The following TRIM36 variants were observed in gnomAD, a reference collection of about 807,000 sequenced individuals.
TRIM36 encodes tripartite motif containing 36.
A neutral mutation model predicts 72.4 loss-of-function variants in TRIM36; 42 were observed. The ratio of observed to expected loss-of-function variants is 0.58; its 90% CI spans 0.45 to 0.75. The LOEUF (loss-of-function observed/expected upper bound fraction) is 0.75. TRIM36 is among the 30% of genes least tolerant of loss of function. TRIM36 has a pLI of 0.00. For missense variants in TRIM36, 913 were observed against 857.1 expected (o/e 1.07, Z -0.81); for synonymous variants, 315 against 282.8 (o/e 1.11, Z -1.14).
intron 2 of TRIM36, among the ~76,000 whole-genome samples, chr5:115,163,175 T>G (rs1355552283): frequency 6.6e-6 from 1 of 152,164 alleles, no homozygotes; most frequent in Admixed American, 6.5e-5. Flanking sequence ...CAGGCTGGTC[T>G]TGAACTCATG....
intron 2 of TRIM36, chr5:115,148,412 GTTCTT>G: frequency 4.7e-6 from 3 of 633,870 alleles, no homozygotes; most frequent in South Asian, 1.6e-4. Context: ...TTGTAAATCT[GTTCTT>G]TTTTTTTTTT....
At chr5:115,168,050 T>C (rs1039357453) in intron 1 of TRIM36, among the ~76,000 whole-genome samples, 1 of 152,112 alleles carries the variant, frequency 6.6e-6, no homozygotes, top group African/African-American at 2.4e-5. Flanking sequence ...GAATTCACTA[T>C]CACGAAAACA....
At chr5:115,135,479 T>TAA (rs11409468) in intron 7 of TRIM36, among the ~76,000 whole-genome samples, 42 of 143,346 alleles carry the variant, frequency 2.9e-4, no homozygotes, top group South Asian at 6.7e-4. Context: ...CATAGCTTAC[T>TAA]AAAAAAAAAA....
At chr5:115,179,203 G>T (rs1164604589) in intron 1 of TRIM36, among the ~76,000 whole-genome samples, 3 of 152,162 alleles carry the variant, frequency 2.0e-5, no homozygotes, top group African/African-American at 7.2e-5. Flanking sequence ...AGCTTCTGCC[G>T]GCAATTTCTC....
chr5:115,137,390 A>G lies in TRIM36; in HGVS notation c.1058T>C (p.Val353Ala), dbSNP rs374359652. 1.2e-6 allele frequency: 2 copies of G among 1,612,280 alleles called. No homozygotes were observed. The highest frequency in any genetic ancestry group is 1.7e-6 in the Non-Finnish European group (2 of 1,179,580). Residue 353 changes from valine to alanine, a missense_variant, in exon 6 of 10, where the codon GTG (valine) becomes GCG (alanine). By Grantham distance (64) the Val-to-Ala change is moderately conservative. Coordinates refer to ENST00000513154, the MANE Select transcript of TRIM36 (RefSeq NM_001300759.2). Reference sequence around the variant, plus strand: ...GAGGTGGAGCTGCTTTGCTGTCTGCACAAAGCAAGACTGATCTGTCTCCTT... The same window carrying G: ...GAGGTGGAGCTGCTTTGCTGTCTGCGCAAAGCAAGACTGATCTGTCTCCTT... The part of the protein sequence containing the change: ...VLKETDQSCF[V>A]QTAKQLHLRI...
chr5:115,148,591 A>G (rs1057052239), intron 2 of TRIM36, among the ~76,000 whole-genome samples: 4 of 151,730 alleles, frequency 2.6e-5, no homozygotes, highest in African/African-American at 7.3e-5. Context: ...TTATATTTTT[A>G]GTAGAGATGG....
intron 7 of TRIM36, among the ~76,000 whole-genome samples, chr5:115,136,415 T>C (rs141966038): frequency 1.2e-3 from 189 of 152,306 alleles, no homozygotes; most frequent in African/African-American, 4.4e-3. Flanking sequence ...CTCTGACTTG[T>C]AGGCTCCAGA....
chr5:115,166,128 A>G (rs1445873844), intron 1 of TRIM36, among the ~76,000 whole-genome samples: 1 of 152,180 alleles, frequency 6.6e-6, no homozygotes, highest in Non-Finnish European at 1.5e-5. Flanking sequence ...CTGGGAGGAA[A>G]GGGACAGGTC....
At chr5:115,167,224 C>T (rs181119550) in intron 1 of TRIM36, among the ~76,000 whole-genome samples, 25 of 152,324 alleles carry the variant, frequency 1.6e-4, no homozygotes, top group African/African-American at 6.0e-4. Context: ...ACATTTTTCT[C>T]TCCTAGGCCT....
rs534728116 is a variant in TRIM36, at chr5:115,138,823, TC to T, written c.832-1208del. Among the ~76,000 whole-genome samples the T allele has an allele frequency of 1.8e-4, 28 of 152,114 alleles. No homozygotes were observed. The South Asian group carries it at 5.4e-3, about 29-fold the overall frequency. On this transcript the variant is annotated intron_variant, in intron 5 of 9. Coordinates refer to ENST00000513154, the MANE Select transcript of TRIM36 (RefSeq NM_001300759.2). ...ACAGAAAAAAAGTCTTCAAGAACAT[TC>T]TTTTTTTTTGAGACAGAGTCTCGCT...
Position 115,134,018 on chromosome 5 carries a change from T to C in TRIM36, c.1340A>G (p.Asp447Gly), listed in dbSNP as rs1045958929. The change falls in exon 8 of 10, where the codon GAT becomes GGT. Residue 447 changes from aspartate to glycine, a missense_variant. By Grantham distance (94) the Asp-to-Gly change is moderately conservative (BLOSUM62 -1). Transcript: ENST00000513154. ...VLEYRKINRD[D>G]EMSWNEIEVC... Reference sequence around the variant, plus strand: ...TTCTATCTCATTCCATGACATTTCATCATCTCTATTGATTTTCCGATATTC... The same window carrying C: ...TTCTATCTCATTCCATGACATTTCACCATCTCTATTGATTTTCCGATATTC... 3.1e-6 allele frequency: 5 copies of C among 1,613,882 alleles called. No individual in the cohort carries two copies. Among genetic ancestry groups the C allele is most frequent in the African/African-American group, 1.3e-5 (1 of 74,932 alleles).
intron 7 of TRIM36, 24 bp downstream of exon 7, chr5:115,136,976 G>A: frequency 6.5e-7 from 1 of 1,545,956 alleles, no homozygotes; most frequent in South Asian, 1.3e-5. Flanking sequence ...AAAGAATGAG[G>A]TTTTTGCCTT....
intron 8 of TRIM36, among the ~76,000 whole-genome samples, chr5:115,131,286 T>A (rs1752663137): frequency 6.6e-6 from 1 of 152,288 alleles, no homozygotes; most frequent in African/African-American, 2.4e-5. Flanking sequence ...TATTGAAAGT[T>A]TTGTTAATTT....
At chr5:115,163,190 C>T (rs552871249) in intron 2 of TRIM36, among the ~76,000 whole-genome samples, 1 of 152,116 alleles carries the variant, frequency 6.6e-6, no homozygotes, top group Non-Finnish European at 1.5e-5. Flanking sequence ...CTCATGACCT[C>T]AGGTGATCCA....
At chr5:115,158,580 T>C (rs1482458817) in intron 2 of TRIM36, among the ~76,000 whole-genome samples, 1 of 152,236 alleles carries the variant, frequency 6.6e-6, no homozygotes, top group African/African-American at 2.4e-5. Flanking sequence ...TGGACACTAC[T>C]GTTGGGCTTT....
At position 115,125,155 on chromosome 5, in the gene TRIM36, G is replaced by A. The variant is rs1458198167; in HGVS notation, c.*1348C>T. On this transcript the variant is annotated 3_prime_UTR_variant, in exon 10 of 10. Coordinates refer to ENST00000513154, the MANE Select transcript of TRIM36 (RefSeq NM_001300759.2). ...CAACAAGGACAACCAAAAAAAACAG[G>A]CCTAAAAGTTTTGGTTACCCTGTTA... 1 of 151,964 alleles carries A rather than the reference G, an allele frequency of 6.6e-6. No homozygotes were observed. The highest frequency in any genetic ancestry group is 1.5e-5 in the Non-Finnish European group (1 of 67,910). 9.4% of individuals were successfully genotyped at this position (151,964 alleles called of 1,614,324 possible). A position where few individuals can be genotyped will look rare whatever the true frequency, so the allele number is the denominator to read the frequency against.
Position 115,144,653 on chromosome 5 carries a change from C to T in TRIM36, c.680G>A (p.Gly227Asp). The change falls in exon 4 of 10, where the codon GGT (glycine) becomes GAT (aspartate). Residue 227 changes from glycine to aspartate, a missense_variant. Gly to Asp is a moderately conservative substitution (Grantham distance 94). Transcript: ENST00000513154. ...GGTTACACGGTGGTTGGCATGATTA[C>T]CACCCAACTTACACAGATGGCAAAC... is the stretch of plus-strand genomic sequence containing the variant. ...RPVCHLCKLG[G>D]NHANHRVTTM... is the part of the protein sequence containing the mutation. 6.2e-7 allele frequency: 1 copy of T among 1,614,110 alleles called. No homozygotes were observed. The highest frequency in any genetic ancestry group is 1.3e-5 in the African/African-American group (1 of 75,040).
chr5:115,153,626 C>T (rs1561437371), intron 2 of TRIM36: 1 of 152,558 alleles, frequency 6.6e-6, no homozygotes, highest in African/African-American at 2.4e-5. Context: ...CTGCCTCAGC[C>T]TCCCGAGTAG....
upstream of TRIM36, chr5:115,169,914 G>A: frequency 7.8e-7 from 1 of 1,286,980 alleles, no homozygotes; most frequent in Non-Finnish European, 9.8e-7. Context: ...ACTGCGGCTG[G>A]GAACGGCGCC....
Sources: gnomAD v4.1 joint callset for allele counts (sites outside exome capture counted in the v4.1 genomes callset) on GRCh38, gnomAD v4.1.1 for gene constraint, MANE v1.5 for transcripts, NCBI Gene and HGNC (gene_info 2026-07-23, HGNC 2026-07-21) for gene names.